Variants in PRKN observed in about 807,000 individuals in gnomAD.
The protein encoded by PRKN is E3 ubiquitin-protein ligase parkin.
In PRKN, 56 loss-of-function variants were observed where a neutral mutation model predicts 59.5. The observed-to-expected ratio is 0.94, with a 90% CI of 0.76 to 1.18. The LOEUF (loss-of-function observed/expected upper bound fraction) is 1.18. Ranked by LOEUF, PRKN falls within the 50% of genes most tolerant of loss-of-function variation. PRKN has a pLI of 0.00. For synonymous variants in PRKN, 250 were observed against 222.1 expected (o/e 1.13, Z -1.12); for missense variants, 657 against 596.4 (o/e 1.10, Z -1.06).
intron 7 of PRKN, among the ~76,000 whole-genome samples, chr6:161,621,885 A>G (rs1782914949): frequency 6.6e-6 from 1 of 152,164 alleles, no homozygotes; most frequent in African/African-American, 2.4e-5. Context: ...CAAGTGACAA[A>G]TTCACACATC....
At chr6:161,818,680 A>G (rs994543795) in intron 6 of PRKN, among the ~76,000 whole-genome samples, 1 of 152,134 alleles carries the variant, frequency 6.6e-6, no homozygotes, top group Non-Finnish European at 1.5e-5. Context: ...AGGTTACTAG[A>G]TAGCAAGGAA....
rs544766831 is a variant in PRKN at position 161,793,490 on chromosome 6, C to T, written c.735-7582G>A. On this transcript the variant is annotated intron_variant, in intron 6 of 11. Transcript: ENST00000366898. ...CATTTATGTCTACATTTTTGAATCA[C>T]TTTTATTCACCCATTCTGCCAACAC... 9.2e-5 allele frequency among the ~76,000 whole-genome samples: 14 copies of T among 151,852 alleles called. 2 individuals carry two copies. The highest frequency in any genetic ancestry group is 3.4e-3 in the Middle Eastern group (1 of 294).
intron 4 of PRKN, among the ~76,000 whole-genome samples, chr6:162,174,318 A>G (rs941003535): frequency 1.5e-4 from 23 of 152,308 alleles, no homozygotes; most frequent in Non-Finnish European, 2.2e-4. Flanking sequence ...CACGCAGGAA[A>G]TAAATAAAAT....
intron 7 of PRKN, among the ~76,000 whole-genome samples, chr6:161,742,189 C>G (rs1336930858): frequency 6.6e-6 from 1 of 151,986 alleles, no homozygotes; most frequent in South Asian, 2.1e-4. Context: ...AGGCTGGTCT[C>G]GAACTCCTGA....
chr6:161,650,869 T>C (rs1247409346), intron 7 of PRKN, among the ~76,000 whole-genome samples: 1 of 152,210 alleles, frequency 6.6e-6, no homozygotes, highest in Non-Finnish European at 1.5e-5. Flanking sequence ...TTAGTTCTCA[T>C]GATATCCTCA....
At chr6:162,087,267 G>C (rs1298887601) in intron 4 of PRKN, among the ~76,000 whole-genome samples, 4 of 152,112 alleles carry the variant, frequency 2.6e-5, no homozygotes, top group South Asian at 2.1e-4. Context: ...GCCCCTGGTT[G>C]TAATATAATG....
At chr6:162,122,033 T>C (rs1198299366) in intron 4 of PRKN, among the ~76,000 whole-genome samples, 1 of 152,180 alleles carries the variant, frequency 6.6e-6, no homozygotes, top group African/African-American at 2.4e-5. Flanking sequence ...AAATTGTTCT[T>C]ACTGAATCCT....
rs1012112872 is a variant in PRKN at position 161,393,786 on chromosome 6, C to T, written c.1084-6909G>A. ...AGATTTCTTTGTGCCTGTTTTCTAT[C>T]ATGGCTGCATCTATTATAAAAGCAT... is the stretch of plus-strand genomic sequence containing the variant. On this transcript the variant is annotated intron_variant, in intron 9 of 11. Transcript: ENST00000366898. This position sits in a 1 kb window ranked among gnomAD's most constrained non-coding sequence, Gnocchi z 4.7. 3.9e-5 allele frequency among the ~76,000 whole-genome samples: 6 copies of T among 152,268 alleles called. 1 individual carries two copies. The highest frequency in any genetic ancestry group is 1.4e-4 in the African/African-American group (6 of 41,552).
chr6:162,214,246 A>C lies in PRKN; in HGVS notation c.413-12994T>G, dbSNP rs76696992. Among the ~76,000 whole-genome samples, 1,024 of 152,294 alleles carry C rather than the reference A, an allele frequency of 6.7e-3. 10 individuals carry two copies. The highest frequency in any genetic ancestry group is 0.023 in the African/African-American group (963 of 41,570). ...CAACACCCAGAGTTCTATGACTTCCAATTGCACGCACTTTGTTTCAGCTGT... is the reference window on the plus strand; with the variant it reads ...CAACACCCAGAGTTCTATGACTTCCCATTGCACGCACTTTGTTTCAGCTGT... On this transcript the variant is annotated intron_variant, in intron 3 of 11. Transcript: ENST00000366898.
At chr6:162,346,621 C>T (rs1784415774) in intron 2 of PRKN, among the ~76,000 whole-genome samples, 1 of 151,902 alleles carries the variant, frequency 6.6e-6, no homozygotes, top group African/African-American at 2.4e-5. Flanking sequence ...ACCTTGCCCC[C>T]ATACCCCCAC....
intron 7 of PRKN, among the ~76,000 whole-genome samples, chr6:161,633,997 AACACACACACACACACACAC>A (rs141101298): frequency 2.8e-5 from 4 of 142,020 alleles, no homozygotes; most frequent in African/African-American, 1.1e-4. Flanking sequence ...GGAAAACTTA[AACACACACACACACACACAC>A]ACACACACAC....
rs73604245 is a variant in PRKN at position 162,420,715 on chromosome 6, G to T, written c.171+22595C>A. On this transcript the variant is annotated intron_variant, in intron 2 of 11. Transcript: ENST00000366898. ...GGATGAATGAAGGACTTGTAGCTAT[G>T]ACTCTGTAGCTCAGAGACATAAAAA... Among the ~76,000 whole-genome samples the T allele has an allele frequency of 1.7e-3, 256 of 152,208 alleles. 2 individuals are homozygous for T. The highest frequency in any genetic ancestry group is 6.0e-3 in the African/African-American group (248 of 41,522).
In PRKN at chr6:161,592,828, G is replaced by A. The variant is rs1038983703; in HGVS notation, c.872-23412C>T. Among the ~76,000 whole-genome samples, 10 of 152,260 alleles carry A rather than the reference G, an allele frequency of 6.6e-5. No homozygotes were observed. The highest frequency in any genetic ancestry group is 1.9e-4 in the African/African-American group (8 of 41,572). On this transcript the variant is annotated intron_variant, in intron 7 of 11. Coordinates refer to ENST00000366898, the MANE Select transcript of PRKN (RefSeq NM_004562.3). This position sits in a 1 kb window ranked among gnomAD's most constrained non-coding sequence, Gnocchi z 4.8. The stretch of plus-strand genomic sequence containing the variant: ...GTGCCGCCAGGATAGGAGGGCTGGC[G>A]GGAGAGGCAGGAGGTCACCGCAGGA...
chr6:161,621,968 CCT>C (rs1158781594), intron 7 of PRKN, among the ~76,000 whole-genome samples: 2 of 152,128 alleles, frequency 1.3e-5, no homozygotes, highest in African/African-American at 4.8e-5. Context: ...CTTAAGCCAC[CCT>C]CTGTTTTTCT....
intron 6 of PRKN, among the ~76,000 whole-genome samples, chr6:161,899,616 C>G (rs549946535): frequency 6.6e-6 from 1 of 152,264 alleles, no homozygotes; most frequent in South Asian, 2.1e-4. Flanking sequence ...TTCCCACTGC[C>G]TGGCTCTTCT....
At chr6:162,393,152 A>ATTTTTTTTTTTTTTTTTTTTTTTTT (rs1369959830) in intron 2 of PRKN, among the ~76,000 whole-genome samples, 3 of 78,100 alleles carry the variant, frequency 3.8e-5, no homozygotes, top group Non-Finnish European at 4.8e-5. Flanking sequence ...AGGATAGGAG[A>ATTTTTTTTTTTTTTTTTTTTTTTTT]TTCTTTTTTT....
At chr6:162,323,313 C>A (rs894255244) in intron 2 of PRKN, among the ~76,000 whole-genome samples, 95 of 142,524 alleles carry the variant, frequency 6.7e-4, no homozygotes, top group African/African-American at 1.6e-3. Context: ...TAGAAAAAAA[C>A]ATAAGAGAAA....
At chr6:162,379,150 T>G (rs749432551) in intron 2 of PRKN, among the ~76,000 whole-genome samples, 6 of 152,174 alleles carry the variant, frequency 3.9e-5, no homozygotes, top group Non-Finnish European at 5.9e-5. Flanking sequence ...CTCTAAACTA[T>G]ATTTGGCCTA....
intron 6 of PRKN, among the ~76,000 whole-genome samples, chr6:161,811,822 T>C (rs1365357182): frequency 6.6e-6 from 1 of 152,004 alleles, no homozygotes; most frequent in Non-Finnish European, 1.5e-5. Flanking sequence ...CTCAGGAGGC[T>C]GAGGCAGGGG....
Sources: allele counts gnomAD v4.1 joint callset (sites outside exome capture counted in the v4.1 genomes callset), GRCh38; gene constraint gnomAD v4.1.1; non-coding constraint Gnocchi (gnomAD v3.1); transcripts MANE v1.5; gene names NCBI Gene and HGNC (gene_info 2026-07-23, HGNC 2026-07-21).